Variants in C8orf34 observed in about 807,000 individuals in gnomAD.
The protein encoded by C8orf34 is chromosome 8 open reading frame 34, also known as uncharacterized protein C8orf34.
In C8orf34, 65 loss-of-function variants were observed where a neutral mutation model predicts 68.3. The ratio of observed to expected loss-of-function variants is 0.95; its 90% CI spans 0.78 to 1.17. The LOEUF (loss-of-function observed/expected upper bound fraction) is 1.17. Ranked by LOEUF, C8orf34 falls within the 50% of genes most tolerant of loss-of-function variation. C8orf34 has a pLI of 0.00. For synonymous variants in C8orf34, 244 were observed against 241.2 expected, an observed-to-expected ratio of 1.01 and a Z score of -0.11; for missense variants, 664 against 655.4, an observed-to-expected ratio of 1.01 and a Z score of -0.14.
chr8:68,708,815 T>C (rs764591262), intron 8 of C8orf34, among the ~76,000 whole-genome samples, 179 bp from the exon 9 acceptor site: 2 of 152,192 alleles, frequency 1.3e-5, no homozygotes, highest in Non-Finnish European at 2.9e-5. Flanking sequence ...TTTTCCTTAA[T>C]GGTTAGAACA....
chr8:68,802,784 A>G (rs1824370851), intron 12 of C8orf34, among the ~76,000 whole-genome samples: 1 of 152,306 alleles, frequency 6.6e-6, no homozygotes, highest in Non-Finnish European at 1.5e-5. Context: ...TTCGGGCTAC[A>G]GGCATGCACC....
At chr8:68,588,361 G>A (rs997216260) in intron 7 of C8orf34, among the ~76,000 whole-genome samples, 1 of 152,064 alleles carries the variant, frequency 6.6e-6, no homozygotes, top group African/African-American at 2.4e-5. Context: ...TAGTATATAG[G>A]GTGGTGTTGA....
At chr8:68,512,753 T>G (rs1245755333) in intron 5 of C8orf34, among the ~76,000 whole-genome samples, 1 of 151,094 alleles carries the variant, frequency 6.6e-6, no homozygotes, top group African/African-American at 2.4e-5. Context: ...AGGCAAAAAT[T>G]TACATTTCCA....
intron 3 of C8orf34, among the ~76,000 whole-genome samples, chr8:68,460,601 GA>G (rs1461831534): frequency 6.6e-6 from 1 of 152,132 alleles, no homozygotes; most frequent in African/African-American, 2.4e-5. Context: ...AAAACTTCCA[GA>G]GGAACGATCA....
intron 1 of C8orf34, among the ~76,000 whole-genome samples, chr8:68,373,794 A>G (rs946279497): frequency 2.0e-5 from 3 of 152,242 alleles, no homozygotes; most frequent in African/African-American, 7.2e-5. Context: ...AAGACTTGAT[A>G]TATCATATAC....
At chr8:68,580,187 A>G (rs546859453) in intron 7 of C8orf34, among the ~76,000 whole-genome samples, 2 of 152,236 alleles carry the variant, frequency 1.3e-5, no homozygotes, top group East Asian at 3.9e-4. Context: ...CTGCAGAACA[A>G]GAGCATTTCT....
chr8:68,710,608 C>G (rs949413551), intron 9 of C8orf34, among the ~76,000 whole-genome samples: 4 of 152,264 alleles, frequency 2.6e-5, no homozygotes, highest in South Asian at 4.1e-4. Context: ...CCCCATCCAC[C>G]ACAGCAGAAA....
At chr8:68,366,528 T>C (rs902989617) in intron 1 of C8orf34, among the ~76,000 whole-genome samples, 1 of 150,702 alleles carries the variant, frequency 6.6e-6, no homozygotes, top group African/African-American at 2.5e-5. Flanking sequence ...CAAAACAGCA[T>C]GGTACTGGTA....
chr8:68,362,074 G>A (rs1807026041), intron 1 of C8orf34, among the ~76,000 whole-genome samples: 1 of 152,166 alleles, frequency 6.6e-6, no homozygotes, highest in African/African-American at 2.4e-5. Flanking sequence ...AATGTGATCT[G>A]TGTAAAATGA....
At chr8:68,627,685 A>T (rs1384298149) in intron 7 of C8orf34, among the ~76,000 whole-genome samples, 1 of 152,206 alleles carries the variant, frequency 6.6e-6, no homozygotes, top group Non-Finnish European at 1.5e-5. Context: ...TTTCTTCCAG[A>T]TTGGAAGAAG....
chr8:68,495,482 T>C (rs1327239191), intron 5 of C8orf34, among the ~76,000 whole-genome samples: 3 of 152,172 alleles, frequency 2.0e-5, no homozygotes, highest in Non-Finnish European at 4.4e-5. Flanking sequence ...AAATAGGGAG[T>C]ATTATCCACA....
intron 7 of C8orf34, among the ~76,000 whole-genome samples, chr8:68,620,175 A>G (rs1317266043): frequency 1.3e-5 from 2 of 152,198 alleles, no homozygotes; most frequent in African/African-American, 4.8e-5. Context: ...ACATTTCCTG[A>G]GCTCCTATGT....
intron 12 of C8orf34, among the ~76,000 whole-genome samples, chr8:68,798,073 T>C (rs1020937558): frequency 1.1e-4 from 16 of 152,210 alleles, no homozygotes; most frequent in African/African-American, 2.2e-4. Context: ...TAGTAGTCTG[T>C]AGTAGGTTCT....
intron 8 of C8orf34, among the ~76,000 whole-genome samples, chr8:68,703,401 A>T (rs1156652219): frequency 6.6e-6 from 1 of 152,096 alleles, no homozygotes; most frequent in African/African-American, 2.4e-5. Flanking sequence ...TATCTTTATC[A>T]GCCCCACTTG....
intron 1 of C8orf34, among the ~76,000 whole-genome samples, chr8:68,407,027 G>T (rs1050932866): frequency 6.6e-6 from 1 of 152,074 alleles, no homozygotes; most frequent in African/African-American, 2.4e-5. Flanking sequence ...ACACGCATAC[G>T]ATCTGCCTCA....
chr8:68,781,984 C>T (rs771181120), intron 11 of C8orf34, among the ~76,000 whole-genome samples: 1 of 152,158 alleles, frequency 6.6e-6, no homozygotes, highest in Non-Finnish European at 1.5e-5. Flanking sequence ...AAAATAATAA[C>T]ACAATTGACT....
chr8:68,796,486 T>C (rs1051472951), intron 12 of C8orf34, among the ~76,000 whole-genome samples: 2 of 142,678 alleles, frequency 1.4e-5, no homozygotes, highest in East Asian at 2.1e-4. Flanking sequence ...CCTAGTTTCA[T>C]GAGAAGCTAT....
chr8:68,554,555 A>G (rs1005490638), intron 7 of C8orf34, among the ~76,000 whole-genome samples: 5 of 152,158 alleles, frequency 3.3e-5, no homozygotes, highest in African/African-American at 1.2e-4. Context: ...TAATATAATT[A>G]TACAATAGTT....
In C8orf34 at chr8:68,770,191, T is replaced by C. The variant is rs146154880; in HGVS notation, c.1405-6208T>C. 3.0e-4 allele frequency among the ~76,000 whole-genome samples: 45 copies of C among 152,360 alleles called. No homozygotes were observed. In the East Asian group the frequency reaches 7.7e-3, roughly 26 times the overall value. On this transcript the variant is annotated intron_variant, in intron 10 of 13. Transcript: ENST00000518698. ...TTTTAATACTCTTTTTAATTCATTATGTCATATAAAACACAACCCTCTGGT... is the reference window on the plus strand; with the variant it reads ...TTTTAATACTCTTTTTAATTCATTACGTCATATAAAACACAACCCTCTGGT...
Sources: allele counts gnomAD v4.1 joint callset (sites outside exome capture counted in the v4.1 genomes callset), GRCh38; gene constraint gnomAD v4.1.1; transcripts MANE v1.5; gene names NCBI Gene and HGNC (gene_info 2026-07-23, HGNC 2026-07-21).